Variants in NLRP9 observed in about 807,000 individuals in gnomAD.
NLRP9 encodes the protein NACHT, LRR and PYD domains-containing protein 9.
NLRP9 carries 88 observed loss-of-function variants against 83.1 expected under a neutral mutation model. The ratio of observed to expected loss-of-function variants is 1.06; its 90% CI spans 0.89 to 1.26. The LOEUF is 1.26. Among genes scored for constraint, NLRP9 ranks in the 50% most tolerant of loss-of-function variants. The pLI is 0.00. For missense variants in NLRP9, 1,308 were observed against 1,179.3 expected (o/e 1.11, Z -1.60); for synonymous variants, 521 against 447.6 (o/e 1.16, Z -2.07).
rs542706021 is a variant in NLRP9 at position 55,726,013 on chromosome 19, G to A, written c.1995-1869C>T. Among the ~76,000 whole-genome samples the A allele has an allele frequency of 1.5e-4, 23 of 151,792 alleles. No homozygotes were observed. In the South Asian group the frequency reaches 1.9e-3, roughly 12 times the overall value. On this transcript the variant is annotated intron_variant, in intron 3 of 8. Transcript: ENST00000332836. The stretch of plus-strand genomic sequence containing the variant: ...TGCACTCCAGCCTAGGGGACAGAGC[G>A]AGACTGTCTCAGAAAAAAAAAAAGA...
intron 6 of NLRP9, among the ~76,000 whole-genome samples, chr19:55,714,442 T>C (rs967146429): frequency 2.0e-5 from 3 of 152,104 alleles, no homozygotes; most frequent in African/African-American, 4.8e-5. Context: ...CTGCACAAGC[T>C]CAGGCAGTCA....
At chr19:55,728,621 A>G (rs1988470916) in intron 3 of NLRP9, among the ~76,000 whole-genome samples, 1 of 152,178 alleles carries the variant, frequency 6.6e-6, no homozygotes, top group Non-Finnish European at 1.5e-5. Context: ...AAAAGACATC[A>G]GCCAAGGACC....
chr19:55,725,263 T>C (rs1988364853), intron 3 of NLRP9, among the ~76,000 whole-genome samples: 1 of 152,122 alleles, frequency 6.6e-6, no homozygotes, highest in African/African-American at 2.4e-5. Context: ...CCAGACAAAA[T>C]TTATGTATAA....
In NLRP9 at chr19:55,738,214, TC is replaced by T; in HGVS notation, c.160del (p.Asp54MetfsTer2). On this transcript the variant is annotated frameshift_variant, in exon 1 of 9. Coordinates refer to ENST00000332836, the MANE Select transcript of NLRP9 (RefSeq NM_176820.4). LOFTEE classifies it high-confidence loss of function. Reference sequence around the variant, plus strand: ...ATGTTTGTCCAGCAGCTTTGCTACATCTTCTTTGGAGGCCTTCTTCAGCTCA... The same window carrying T: ...ATGTTTGTCCAGCAGCTTTGCTACATTTCTTTGGAGGCCTTCTTCAGCTCA... ...WAELKKASKE[D>X]VAKLLDKHYP... 1 of 1,614,158 alleles carries T rather than the reference TC, an allele frequency of 6.2e-7. No homozygotes were observed. The highest frequency in any genetic ancestry group is 8.5e-7 in the Non-Finnish European group (1 of 1,180,022).
chr19:55,720,614 G>A (rs368520466), intron 4 of NLRP9, among the ~76,000 whole-genome samples: 1 of 152,128 alleles, frequency 6.6e-6, no homozygotes, highest in African/African-American at 2.4e-5. Context: ...ACAGGCATGA[G>A]CCACCAAGCC....
chr19:55,723,085 T>C (rs1335521289), intron 4 of NLRP9, among the ~76,000 whole-genome samples: 2 of 152,066 alleles, frequency 1.3e-5, no homozygotes, highest in Non-Finnish European at 1.5e-5. Context: ...ACATGGCACA[T>C]GTATACCTAT....
intron 4 of NLRP9, among the ~76,000 whole-genome samples, chr19:55,718,744 G>A (rs544560908): frequency 2.3e-4 from 35 of 152,316 alleles, no homozygotes; most frequent in South Asian, 1.9e-3. Flanking sequence ...GCGCCAGTGC[G>A]GGTCCTCGCA....
chr19:55,723,095 T>C (rs1179504757), intron 4 of NLRP9, among the ~76,000 whole-genome samples: 1 of 152,014 alleles, frequency 6.6e-6, no homozygotes, highest in Non-Finnish European at 1.5e-5. Flanking sequence ...TGTATACCTA[T>C]GTAACAAATC....
intron 5 of NLRP9, among the ~76,000 whole-genome samples, chr19:55,716,328 G>A (rs540436730): frequency 1.0e-4 from 15 of 143,650 alleles, no homozygotes; most frequent in South Asian, 6.5e-4. Flanking sequence ...GCACAATCTC[G>A]GCTCACTGCA....
At chr19:55,715,415 T>A (rs1366711595) in intron 5 of NLRP9, among the ~76,000 whole-genome samples, 190 bp from the exon 6 acceptor site, 1 of 152,208 alleles carries the variant, frequency 6.6e-6, no homozygotes, top group Non-Finnish European at 1.5e-5. Context: ...CTGGGTGCGG[T>A]GCCTCACGCC....
chr19:55,713,636 T>A (rs1194204310), intron 6 of NLRP9, among the ~76,000 whole-genome samples: 8 of 13,740 alleles, frequency 5.8e-4, no homozygotes, highest in South Asian at 3.2e-3. Context: ...CCCCTCCTCC[T>A]CCTCTCCCCT....
Position 55,732,837 on chromosome 19 carries a change from T to C in NLRP9, c.994A>G (p.Ile332Val), listed in dbSNP as rs147483967. Reference protein sequence around the residue: ...NFVRDNGPLFILCHNPFTCWL... With the variant: ...NFVRDNGPLFVLCHNPFTCWL... ...CACGTAAAGGGATTATGGCACAAGA[T>C]AAACAGCGGCCCATTATCTCTCACA... The change falls in exon 2 of 9, where the codon ATC becomes GTC. Residue 332 changes from isoleucine (I) to valine (V), a missense_variant. Ile to Val is a conservative substitution (Grantham distance 29). Transcript: ENST00000332836. The C allele has an allele frequency of 1.9e-6, 3 of 1,614,170 alleles. No individual in the cohort carries two copies. In the Admixed American group the frequency reaches 5.0e-5, roughly 27 times the overall value.
intron 2 of NLRP9, among the ~76,000 whole-genome samples, chr19:55,730,902 T>C (rs1988551566): frequency 6.6e-6 from 1 of 152,106 alleles, no homozygotes; most frequent in South Asian, 2.1e-4. Context: ...CCTGCACATG[T>C]ATCCCTGAAC....
At chr19:55,714,042 C>T (rs1385935316) in intron 6 of NLRP9, among the ~76,000 whole-genome samples, 1 of 149,770 alleles carries the variant, frequency 6.7e-6, no homozygotes, top group Non-Finnish European at 1.5e-5. Context: ...ATCCTTGCAG[C>T]CTCACACATG....
chr19:55,724,227 C>T (rs1988331807), intron 3 of NLRP9, 83 bp from the exon 4 acceptor site: 1 of 925,322 alleles, frequency 1.1e-6, no homozygotes, highest in Admixed American at 2.6e-5. Context: ...TTCTTCCTGC[C>T]CTGAATGCTG....
chr19:55,726,522 T>C lies in NLRP9; in HGVS notation c.1995-2378A>G, dbSNP rs573922216. ...TGGAGGTATGTGTGTTTGGAACATA[T>C]TGATCCATCTGTTATTAGTCTGCCC... On this transcript the variant is annotated intron_variant, in intron 3 of 8. Transcript: ENST00000332836. Among the ~76,000 whole-genome samples, 3 of 152,328 alleles carry C rather than the reference T, an allele frequency of 2.0e-5. No homozygotes were observed. The East Asian group carries it at 5.8e-4, about 29-fold the overall frequency.
chr19:55,729,215 C>A (rs1245155021), intron 3 of NLRP9, among the ~76,000 whole-genome samples: 3 of 149,374 alleles, frequency 2.0e-5, no homozygotes, highest in African/African-American at 7.6e-5. Flanking sequence ...AACTAGATTT[C>A]ATTTTACATG....
In NLRP9 at chr19:55,732,392, C is replaced by T. The variant is rs142023566; in HGVS notation, c.1439G>A (p.Ser480Asn). 1 of 1,614,250 alleles carries T rather than the reference C, an allele frequency of 6.2e-7. No homozygotes were observed. The highest frequency in any genetic ancestry group is 1.7e-5 in the Admixed American group (1 of 60,028). ...IGSITQLVRA[S>N]VVQPQTLLTQ... Reference sequence around the variant, plus strand: ...CAAGAGGGTTTGAGGCTGAACCACACTTGCTCTTACAAGCTGGGTTATGCT... The same window carrying T: ...CAAGAGGGTTTGAGGCTGAACCACATTTGCTCTTACAAGCTGGGTTATGCT... The change falls in exon 2 of 9, where the codon AGT (serine) becomes AAT (asparagine). Residue 480 changes from serine (S) to asparagine (N), a missense_variant. Coordinates refer to ENST00000332836, the MANE Select transcript of NLRP9 (RefSeq NM_176820.4).
At position 55,716,878 on chromosome 19, in the gene NLRP9, G is replaced by A; in HGVS notation, c.2180C>T (p.Ser727Phe). 1 of 1,613,778 alleles carries A rather than the reference G, an allele frequency of 6.2e-7. No individual in the cohort carries two copies. Residue 727 changes from serine (S) to phenylalanine (F), a missense_variant, in exon 5 of 9, where the codon TCC (serine) becomes TTC (phenylalanine). Physicochemically the swap from Ser to Phe is radical, Grantham distance 155. Transcript: ENST00000332836. ...EELILGKCDI[S>F]SEVCEDIASV... ...GGCGATGTCTTCACAAACTTCACTG[G>A]AGATGTCACACTTTCCCAGTCTACA...
Sources: gnomAD v4.1 joint callset for allele counts (sites outside exome capture counted in the v4.1 genomes callset) on GRCh38, gnomAD v4.1.1 for gene constraint, MANE v1.5 for transcripts, NCBI Gene and HGNC (gene_info 2026-07-23, HGNC 2026-07-21) for gene names.